The following TEX11 variants were observed in gnomAD, a reference collection of about 807,000 sequenced individuals.
TEX11 encodes the protein testis expressed 11.
TEX11 carries 7 observed loss-of-function variants against 84.4 expected under a neutral mutation model. That is an observed-to-expected ratio of 0.08 (90% CI 0.05 to 0.16). The LOEUF (loss-of-function observed/expected upper bound fraction) is 0.16. TEX11 is among the 10% of genes least tolerant of loss of function. The pLI is 1.00. For synonymous variants in TEX11, 264 were observed against 222.8 expected (o/e 1.18, Z -1.64); for missense variants, 551 against 660.5 (o/e 0.83, Z 1.82).
chrX:70,618,511 C>A (rs1159193131), intron 20 of TEX11, among the ~76,000 whole-genome samples: 1 of 111,530 alleles, frequency 9.0e-6, no homozygotes, highest in Non-Finnish European at 1.9e-5. Context: ...CTCTGAAGCA[C>A]AAAATGCCAA....
chrX:70,641,360 G>A (rs1235182907), intron 17 of TEX11, among the ~76,000 whole-genome samples: 9 of 110,642 alleles, frequency 8.1e-5, no homozygotes, highest in Non-Finnish European at 1.3e-4. Context: ...ACAGATCAAC[G>A]AGACAGAAAG....
At chrX:70,646,441 T>C (rs2089743926) in intron 17 of TEX11, among the ~76,000 whole-genome samples, 1 of 111,613 alleles carries the variant, frequency 9.0e-6, no homozygotes, top group Non-Finnish European at 1.9e-5. Context: ...GAAGACACAA[T>C]GTATGGAATG....
chrX:70,883,279 G>T (rs758357389), intron 2 of TEX11, among the ~76,000 whole-genome samples: 6 of 111,782 alleles, frequency 5.4e-5, no homozygotes, highest in Non-Finnish European at 1.1e-4. Flanking sequence ...CCGATGAAAA[G>T]AACTTCTATA....
chrX:70,894,623 TA>T (rs756394243), intron 2 of TEX11, among the ~76,000 whole-genome samples: 4,408 of 94,068 alleles, frequency 0.047, 121 homozygotes, highest in South Asian at 0.15. Flanking sequence ...AGACTCCGTC[TA>T]AAAAAAAAAA....
intron 9 of TEX11, among the ~76,000 whole-genome samples, chrX:70,748,545 T>C (rs1267328363): frequency 1.8e-5 from 2 of 111,278 alleles, no homozygotes; most frequent in African/African-American, 3.3e-5. Context: ...AGGGTTTTTA[T>C]GGTTTTAGGT....
chrX:70,551,522 C>T (rs1316113630), intron 28 of TEX11, among the ~76,000 whole-genome samples: 2 of 110,804 alleles, frequency 1.8e-5, no homozygotes, highest in South Asian at 3.9e-4. Flanking sequence ...ACATGTACAC[C>T]GCTATGTACC....
intron 28 of TEX11, among the ~76,000 whole-genome samples, chrX:70,538,886 A>G (rs2087996253): frequency 9.4e-6 from 1 of 106,292 alleles, no homozygotes; most frequent in Non-Finnish European, 1.9e-5. Context: ...CCAATTGCCT[A>G]ATCTATGAAC....
intron 10 of TEX11, among the ~76,000 whole-genome samples, chrX:70,743,333 C>G (rs1001046515): frequency 7.2e-5 from 8 of 111,669 alleles, no homozygotes; most frequent in Non-Finnish European, 1.1e-4. Context: ...TCTTTTATTC[C>G]CCATATATTA....
intron 2 of TEX11, among the ~76,000 whole-genome samples, chrX:70,881,761 T>A (rs1453803610): frequency 1.4e-4 from 15 of 110,890 alleles, no homozygotes; most frequent in Non-Finnish European, 2.6e-4. Context: ...AAATTCTAGC[T>A]AAACATAAGA....
chrX:70,567,156 T>C (rs2088498422), intron 25 of TEX11, among the ~76,000 whole-genome samples: 1 of 111,307 alleles, frequency 9.0e-6, no homozygotes, highest in African/African-American at 3.3e-5. Context: ...TCGAGGAATT[T>C]ATCCATTTCT....
chrX:70,674,383 T>C (rs1296505804), intron 15 of TEX11, among the ~76,000 whole-genome samples: 1 of 112,079 alleles, frequency 8.9e-6, no homozygotes, highest in African/African-American at 3.2e-5. Flanking sequence ...GTCTTTATGA[T>C]AGAATGATTT....
intron 4 of TEX11, among the ~76,000 whole-genome samples, chrX:70,865,738 A>C (rs2062108398): frequency 8.9e-6 from 1 of 112,111 alleles, no homozygotes; most frequent in Non-Finnish European, 1.9e-5. Flanking sequence ...TAAGAAACTC[A>C]CTCAAAACCG....
chrX:70,656,865 C>T (rs1010319090), intron 16 of TEX11, among the ~76,000 whole-genome samples: 2 of 111,692 alleles, frequency 1.8e-5, no homozygotes, highest in Admixed American at 9.5e-5. Flanking sequence ...ACTAAAGAAG[C>T]GATAGTAGTC....
rs1222993065 is a variant in TEX11 at position 70,529,912 on chromosome X, A to G, written c.2608T>C (p.Ser870Pro). The G allele has an allele frequency of 1.7e-6, 2 of 1,210,777 alleles. No individual in the cohort carries two copies. The highest frequency in any genetic ancestry group is 3.5e-5 in the African/African-American group (2 of 57,789). The change falls in exon 29 of 30, where the codon TCT becomes CCT. Residue 870 changes from serine (S) to proline (P), a missense_variant. Coordinates refer to ENST00000374333, the MANE Select transcript of TEX11 (RefSeq NM_031276.3). ...VLMFSRSKYA[S>P]AEKWCGLALR... The stretch of plus-strand genomic sequence containing the variant: ...GCCAGGCCACACCACTTTTCAGCAG[A>G]TGCATACTTGCTCCTGCTAAACATA...
At chrX:70,754,989 A>T (rs928140885) in intron 9 of TEX11, among the ~76,000 whole-genome samples, 1 of 111,990 alleles carries the variant, frequency 8.9e-6, no homozygotes. Context: ...ACATGGGGAA[A>T]GCCTTCCCAA....
chrX:70,860,752 C>A, intron 5 of TEX11, 105 bp downstream of exon 5: 1 of 504,210 alleles, frequency 2.0e-6, no homozygotes, highest in Admixed American at 3.6e-5. Flanking sequence ...AAAAGGATAG[C>A]ACTAAAAGAT....
chrX:70,713,396 A>T (rs997242028), intron 13 of TEX11, among the ~76,000 whole-genome samples: 5 of 111,978 alleles, frequency 4.5e-5, no homozygotes, highest in Non-Finnish European at 9.4e-5. Context: ...CTTTGGTAGA[A>T]TTCGGCTGTG....
At chrX:70,839,270 C>T (rs1180682498) in intron 7 of TEX11, among the ~76,000 whole-genome samples, 1 of 111,490 alleles carries the variant, frequency 9.0e-6, no homozygotes, top group Non-Finnish European at 1.9e-5. Context: ...CTCACACGGC[C>T]GGGTACCCCT....
chrX:70,655,188 CAGTA>C (rs1165599261), intron 16 of TEX11, among the ~76,000 whole-genome samples: 2 of 111,244 alleles, frequency 1.8e-5, no homozygotes, highest in Admixed American at 9.6e-5. Flanking sequence ...CACCTCATCT[CAGTA>C]AGTGATAGAG....
Sources: gnomAD v4.1 joint callset for allele counts (sites outside exome capture counted in the v4.1 genomes callset) on GRCh38, gnomAD v4.1.1 for gene constraint, MANE v1.5 for transcripts, NCBI Gene and HGNC (gene_info 2026-07-23, HGNC 2026-07-21) for gene names.